FAT1: variants seen among roughly 807,000 people sequenced by gnomAD.
FAT1 encodes the protein protocadherin Fat 1.
FAT1 carries 171 observed loss-of-function variants against 329.8 expected under a neutral mutation model. That is an observed-to-expected ratio of 0.52 (90% CI 0.46 to 0.59). FAT1 has a LOEUF of 0.59. Ranked by LOEUF, FAT1 falls within the 20% of genes least tolerant of loss-of-function variation. FAT1 has a pLI of 0.00. For synonymous variants in FAT1, 2,233 were observed against 2,228.6 expected (o/e 1.00, Z -0.06); for missense variants, 5,672 against 5,774.4 (o/e 0.98, Z 0.57).
At chr4:186,675,825 A>T (rs894835985) in intron 2 of FAT1, among the ~76,000 whole-genome samples, 5 of 140,586 alleles carry the variant, frequency 3.6e-5, no homozygotes, top group Non-Finnish European at 6.1e-5. Context: ...ACACACACAC[A>T]ATTAATTTTT....
In FAT1 at chr4:186,617,832, G is replaced by T. The variant is rs763544881; in HGVS notation, c.8754C>A (p.Phe2918Leu). 1 of 1,613,690 alleles carries T rather than the reference G, an allele frequency of 6.2e-7. No individual in the cohort carries two copies. Among genetic ancestry groups the T allele is most frequent in the Non-Finnish European group, 8.5e-7 (1 of 1,179,850 alleles). Residue 2918 changes from phenylalanine to leucine, a missense_variant, in exon 10 of 27, where the codon TTC becomes TTA. Coordinates refer to ENST00000441802, the MANE Select transcript of FAT1 (RefSeq NM_005245.4). ...CAGTCCCTTTATAGATCTCGGCCGTGAATCGTGGTGGACTATCGTTGACAT... is the reference window on the plus strand; with the variant it reads ...CAGTCCCTTTATAGATCTCGGCCGTTAATCGTGGTGGACTATCGTTGACAT... ...VTDVNDSPPR[F>L]TAEIYKGTVS...
At chr4:186,670,832 C>T (rs929892643) in intron 2 of FAT1, among the ~76,000 whole-genome samples, 1 of 151,964 alleles carries the variant, frequency 6.6e-6, no homozygotes, top group Admixed American at 6.6e-5. Flanking sequence ...ACCAGAGAGA[C>T]GTAACTAAAT....
At position 186,706,836 on chromosome 4, in the gene FAT1, T is replaced by G. The variant is rs779316138; in HGVS notation, c.2992A>C (p.Asn998His). 6.2e-7 allele frequency: 1 copy of G among 1,613,952 alleles called. No individual in the cohort carries two copies. The highest frequency in any genetic ancestry group is 1.7e-5 in the Admixed American group (1 of 60,020). ...QLDFEKKQVY[N>H]LTVRAKDKGK... ...TTGTCTTTGGCCCTCACAGTGAGAT[T>G]ATACACTTGCTTCTTCTCAAAGTCC... Residue 998 changes from asparagine to histidine, a missense_variant, in exon 2 of 27, where the codon AAT becomes CAT. Physicochemically the swap from Asn to His is moderately conservative, Grantham distance 68. Around this residue, in one of 2 missense-constraint regions of FAT1, gnomAD observed 3,966 missense variants for 3,915.2 expected, o/e 1.01. Coordinates refer to ENST00000441802, the MANE Select transcript of FAT1 (RefSeq NM_005245.4).
chr4:186,645,968 T>TACAC (rs371987938), intron 3 of FAT1, among the ~76,000 whole-genome samples: 6,195 of 105,184 alleles, frequency 0.059, 345 homozygotes, highest in African/African-American at 0.07. Context: ...AAAAAATATA[T>TACAC]ACACACACAC....
chr4:186,606,648 G>A (rs1221180020), intron 16 of FAT1, among the ~76,000 whole-genome samples: 2 of 152,054 alleles, frequency 1.3e-5, no homozygotes, highest in South Asian at 2.1e-4. Context: ...GCACCTTAGC[G>A]CTGACTCATT....
chr4:186,623,314 T>C (rs77813036), intron 9 of FAT1, among the ~76,000 whole-genome samples: 6,525 of 152,206 alleles, frequency 0.043, 306 homozygotes, highest in East Asian at 0.18. Flanking sequence ...TCCTTCCTGA[T>C]TGCATTTTTG....
rs115136052 is a variant in FAT1 at position 186,673,414 on chromosome 4, T to C, written c.3266-9801A>G. 3.7e-3 allele frequency among the ~76,000 whole-genome samples: 559 copies of C among 152,338 alleles called. 7 individuals carry two copies. The highest frequency in any genetic ancestry group is 0.013 in the African/African-American group (528 of 41,592). ...TATTTCTGTTTCATTTGAGTAGATA[T>C]ATGACAATGGATATTCTGGCAGCTT... On this transcript the variant is annotated intron_variant, in intron 2 of 26. Transcript: ENST00000441802.
Position 186,636,181 on chromosome 4 carries a change from T to C in FAT1, c.4027A>G (p.Ile1343Val). ...GGTTTGGGCTTGGAGATCCATTCAA[T>C]ATGGAGTCTGGTGGTTGATGACTTT... is the stretch of plus-strand genomic sequence containing the variant. ...PQKSSTTRLHIEWISKPKPSL... is the reference protein window; with the variant it reads ...PQKSSTTRLHVEWISKPKPSL... The change falls in exon 6 of 27, where the codon ATT becomes GTT. Residue 1343 changes from isoleucine to valine, a missense_variant. Coordinates refer to ENST00000441802, the MANE Select transcript of FAT1 (RefSeq NM_005245.4). 3 of 1,613,996 alleles carry C rather than the reference T, an allele frequency of 1.9e-6. No homozygotes were observed. Among genetic ancestry groups the C allele is most frequent in the African/African-American group, 2.7e-5 (2 of 75,040 alleles).
intron 3 of FAT1, among the ~76,000 whole-genome samples, chr4:186,645,901 G>A (rs143939396): frequency 1.8e-4 from 27 of 146,136 alleles, no homozygotes; most frequent in Non-Finnish European, 2.7e-4. Flanking sequence ...AGCTGAGGGC[G>A]GACCACTGCA....
intron 3 of FAT1, among the ~76,000 whole-genome samples, chr4:186,640,187 GA>G (rs1289062952): frequency 1.3e-5 from 2 of 151,856 alleles, no homozygotes; most frequent in South Asian, 4.1e-4. Context: ...TTCTTCTCAA[GA>G]AAAAAAGAAG....
chr4:186,691,518 G>GT (rs1743761332), intron 2 of FAT1, among the ~76,000 whole-genome samples: 1 of 152,142 alleles, frequency 6.6e-6, no homozygotes, highest in South Asian at 2.1e-4. Context: ...TGAGCCAGGC[G>GT]TGACAGGCAT....
rs1738540071 is a variant in FAT1, at chr4:186,596,770, G to A, written c.12770C>T (p.Thr4257Ile). The change falls in exon 25 of 27, where the codon ACC becomes ATC. Residue 4257 changes from threonine (T) to isoleucine (I), a missense_variant. By Grantham distance (89) the Thr-to-Ile change is moderately conservative (BLOSUM62 -1). Coordinates refer to ENST00000441802, the MANE Select transcript of FAT1 (RefSeq NM_005245.4). This position sits in a 1 kb window ranked among gnomAD's most constrained non-coding sequence, Gnocchi z 4.7. Reference protein sequence around the residue: ...PQVPVRPISYTPSIPSDSRNN... With the variant: ...PQVPVRPISYIPSIPSDSRNN... ...TCTTGAGTCACTTGGAATACTCGGG[G>A]TGTAGGAAATAGGCCGGACAGGCAC... The A allele has an allele frequency of 6.2e-7, 1 of 1,613,984 alleles. No individual in the cohort carries two copies. The highest frequency in any genetic ancestry group is 8.5e-7 in the Non-Finnish European group (1 of 1,179,874).
intron 7 of FAT1, 34 bp downstream of exon 7, chr4:186,633,650 C>T: frequency 1.2e-6 from 2 of 1,613,000 alleles, no homozygotes; most frequent in Non-Finnish European, 1.7e-6. Context: ...TCTCCATCCT[C>T]CTCTGACAAG....
At chr4:186,664,101 G>A (rs1180667388) in intron 2 of FAT1, among the ~76,000 whole-genome samples, 3 of 152,054 alleles carry the variant, frequency 2.0e-5, no homozygotes, top group African/African-American at 2.4e-5. Flanking sequence ...CAGCACCCCC[G>A]CTCCCCACAC....
chr4:186,621,149 C>T lies in FAT1; in HGVS notation c.5437G>A (p.Glu1813Lys), dbSNP rs1740025957. The stretch of plus-strand genomic sequence containing the variant: ...GCAAAATATGTGTGTACAGATGGTT[C>T]AACAATGTGATATACAAGCAAAGCA... ...SNALLVYHIV[E>K]PSVHTYFAID... Residue 1813 changes from glutamate to lysine, a missense_variant, in exon 10 of 27, where the codon GAA becomes AAA. This residue lies in a region of FAT1 where 3,966 missense variants were observed against 3,915.2 expected (regional missense o/e 1.01). Coordinates refer to ENST00000441802, the MANE Select transcript of FAT1 (RefSeq NM_005245.4). 8.7e-6 allele frequency: 14 copies of T among 1,613,876 alleles called. No individual in the cohort carries two copies. Among genetic ancestry groups the T allele is most frequent in the Non-Finnish European group, 1.2e-5 (14 of 1,179,884 alleles).
At chr4:186,681,125 T>C (rs462509) in intron 2 of FAT1, among the ~76,000 whole-genome samples, 29,600 of 152,122 alleles carry the variant, frequency 0.19, 3,383 homozygotes, top group African/African-American at 0.31. Context: ...TCTCAGTCTG[T>C]TACTTCAAAG....
chr4:186,622,831 C>T (rs1740111284), intron 9 of FAT1, among the ~76,000 whole-genome samples: 2 of 152,182 alleles, frequency 1.3e-5, no homozygotes, highest in African/African-American at 4.8e-5. Flanking sequence ...TGTCATAGCA[C>T]AGAATTTATT....
chr4:186,599,652 G>A (rs945089778), intron 22 of FAT1, among the ~76,000 whole-genome samples: 2 of 152,110 alleles, frequency 1.3e-5, no homozygotes, highest in African/African-American at 2.4e-5. Flanking sequence ...CCTCCTGCTC[G>A]GGCACTGGGA....
intron 3 of FAT1, among the ~76,000 whole-genome samples, chr4:186,658,413 CTTG>C (rs1392970277): frequency 6.6e-6 from 1 of 152,058 alleles, no homozygotes; most frequent in Non-Finnish European, 1.5e-5. Flanking sequence ...AGAAAGCTTT[CTTG>C]TTGTGACTTT....
Sources: allele counts gnomAD v4.1 joint callset (sites outside exome capture counted in the v4.1 genomes callset), GRCh38; gene constraint gnomAD v4.1.1; regional missense constraint gnomAD v4.1.1; non-coding constraint Gnocchi (gnomAD v3.1); transcripts MANE v1.5; gene names NCBI Gene and HGNC (gene_info 2026-07-23, HGNC 2026-07-21).